RUVBL1: variants seen among roughly 807,000 people sequenced by gnomAD.
RUVBL1 encodes RuvB like AAA ATPase 1.
Under a neutral mutation model 52.4 loss-of-function variants are expected in RUVBL1, and 4 were observed. The observed-to-expected ratio is 0.08, with a 90% CI of 0.04 to 0.17. The LOEUF (loss-of-function observed/expected upper bound fraction) is 0.17. RUVBL1 is among the 10% of genes least tolerant of loss of function. RUVBL1 has a pLI of 1.00. For missense variants in RUVBL1, 298 were observed against 572.8 expected, an observed-to-expected ratio of 0.52 and a Z score of 4.90; for synonymous variants, 217 against 214.4, an observed-to-expected ratio of 1.01 and a Z score of -0.10.
chr3:128,118,871 T>C lies in RUVBL1; in HGVS notation c.228+457A>G, dbSNP rs541336598. Among the ~76,000 whole-genome samples, 4 of 152,332 alleles carry C rather than the reference T, an allele frequency of 2.6e-5. No homozygotes were observed. The South Asian group carries it at 8.3e-4, about 32-fold the overall frequency. ...CTGCCCTGGAGAGACTGTAAGCCCC[T>C]TGAAGATAAAAATCATGTCTCTAAT... On this transcript the variant is annotated intron_variant, in intron 2 of 10. Coordinates refer to ENST00000322623, the MANE Select transcript of RUVBL1 (RefSeq NM_003707.3).
At position 128,082,530 on chromosome 3, in the gene RUVBL1, C is replaced by T; in HGVS notation, c.1164G>A (p.Glu388=). ...TCTCCCCCAGGTGGTTCAGTGCCTC[C>T]TCACTGATGTTGATTCCTTCCGTCT... ...RAQTEGINIS[E]EALNHLGEIG... The change falls in exon 10 of 11, where the codon GAG becomes GAA. Residue 388 remains glutamate (E), a synonymous_variant. Coordinates refer to ENST00000322623, the MANE Select transcript of RUVBL1 (RefSeq NM_003707.3). The surrounding 1 kb of genome is among the most constrained non-coding windows in gnomAD (Gnocchi z 4.7). 6.2e-7 allele frequency: 1 copy of T among 1,613,984 alleles called. No homozygotes were observed. The highest frequency in any genetic ancestry group is 8.5e-7 in the Non-Finnish European group (1 of 1,179,934).
intron 2 of RUVBL1, among the ~76,000 whole-genome samples, chr3:128,118,315 G>A (rs552380354): frequency 6.6e-6 from 1 of 152,256 alleles, no homozygotes; most frequent in South Asian, 2.1e-4. Flanking sequence ...TCTTCCTCTT[G>A]TAAGATACCA....
chr3:128,119,646 T>C (rs562218508), intron 1 of RUVBL1, among the ~76,000 whole-genome samples: 1 of 152,304 alleles, frequency 6.6e-6, no homozygotes, highest in South Asian at 2.1e-4. Flanking sequence ...ATTGCACACA[T>C]AATCTTCATC....
At chr3:128,151,025 A>T (rs1485815928) in intron 1 of RUVBL1, among the ~76,000 whole-genome samples, 2 of 88,094 alleles carry the variant, frequency 2.3e-5, no homozygotes, top group East Asian at 2.6e-4. Context: ...TATATATATA[A>T]TATATATTCT....
intron 1 of RUVBL1, among the ~76,000 whole-genome samples, chr3:128,150,604 G>C (rs1476532808): frequency 7.9e-6 from 1 of 126,756 alleles, no homozygotes; most frequent in Non-Finnish European, 1.6e-5. Context: ...ATATTTGACA[G>C]AACTAATAGA....
intron 1 of RUVBL1, among the ~76,000 whole-genome samples, chr3:128,143,625 CCCAGATTTCAGTCCAGTGGCAA>C (rs1944063791): frequency 6.6e-6 from 1 of 152,176 alleles, no homozygotes; most frequent in South Asian, 2.1e-4. Context: ...GCCTGCATGC[CCCAGATTTCAGTCCAGTGGCAA>C]AGAGTACACT....
intron 3 of RUVBL1, among the ~76,000 whole-genome samples, chr3:128,106,315 C>T (rs1943234242): frequency 2.0e-5 from 3 of 152,200 alleles, no homozygotes; most frequent in South Asian, 4.1e-4. Context: ...AACGTTTGTT[C>T]ATTATCCAAG....
intron 2 of RUVBL1, 136 bp from the exon 3 acceptor site, chr3:128,113,156 A>G (rs781175433): frequency 2.2e-5 from 21 of 966,072 alleles, no homozygotes; most frequent in Admixed American, 3.2e-5. Flanking sequence ...CACACAATAA[A>G]TGTTTGATGA....
At chr3:128,078,004 C>T (rs1289255381), downstream of RUVBL1, among the ~76,000 whole-genome samples, 3 of 152,200 alleles carry the variant, frequency 2.0e-5, no homozygotes, top group African/African-American at 7.2e-5. Context: ...GGGGCTAGGA[C>T]CAAGGGCCAC....
rs71153121 is a variant in RUVBL1, at chr3:128,130,595, CAAA to C, written c.-39-11184_-39-11182del. ...GGGAAATAGCAAGACCCCATCTCTA[CAAA>C]AAAAAAAAAAAAAAAATTTTATTTA... On this transcript the variant is annotated intron_variant, in intron 1 of 9. Coordinates refer to the RUVBL1 transcript ENST00000464873. Among the ~76,000 whole-genome samples the C allele has an allele frequency of 1.2e-3, 121 of 104,910 alleles. 4 individuals are homozygous for C. Among genetic ancestry groups the C allele is most frequent in the African/African-American group, 3.7e-3 (106 of 28,638 alleles). 68.8% of individuals were successfully genotyped at this position (104,910 alleles called of 152,430 possible).
At chr3:128,092,239 A>C (rs149131067) in intron 8 of RUVBL1, among the ~76,000 whole-genome samples, 16 of 152,242 alleles carry the variant, frequency 1.1e-4, no homozygotes, top group African/African-American at 3.6e-4. Context: ...ATAAAAGCCG[A>C]AACTATAAAA....
chr3:128,087,101 G>A (rs1942665290), intron 9 of RUVBL1, among the ~76,000 whole-genome samples: 1 of 152,246 alleles, frequency 6.6e-6, no homozygotes, highest in African/African-American at 2.4e-5. Flanking sequence ...GGACTCTATT[G>A]CAAAGCCACA....
At chr3:128,146,399 C>T (rs1224748685) in intron 1 of RUVBL1, among the ~76,000 whole-genome samples, 3 of 148,550 alleles carry the variant, frequency 2.0e-5, no homozygotes, top group African/African-American at 5.0e-5. Flanking sequence ...AGTGTGTGTG[C>T]GTGCATCTGT....
At chr3:128,147,746 C>T (rs1269857643) in intron 1 of RUVBL1, among the ~76,000 whole-genome samples, 1 of 152,190 alleles carries the variant, frequency 6.6e-6, no homozygotes, top group Non-Finnish European at 1.5e-5. Flanking sequence ...AACAATCTCA[C>T]TTTTGGTATT....
intron 8 of RUVBL1, among the ~76,000 whole-genome samples, chr3:128,091,498 G>A (rs933020733): frequency 3.3e-5 from 5 of 152,106 alleles, no homozygotes; most frequent in Admixed American, 6.5e-5. Flanking sequence ...GTCCAAACTC[G>A]GCCATTAGTG....
At chr3:128,089,909 C>CAAAAAAAAAAAAAAAAAAAAAAAAAA (rs57182193) in intron 8 of RUVBL1, among the ~76,000 whole-genome samples, 1 of 59,314 alleles carries the variant, frequency 1.7e-5, no homozygotes, top group Non-Finnish European at 2.9e-5. Flanking sequence ...GACCCTATCT[C>CAAAAAAAAAAAAAAAAAAAAAAAAAA]AAAAAAAAAA....
upstream of RUVBL1, chr3:128,123,965 G>C: frequency 6.6e-6 from 8 of 1,209,372 alleles, no homozygotes; most frequent in Non-Finnish European, 8.3e-6. Context: ...GGCTTCCCCC[G>C]TAGCCGGCGC....
Position 128,067,180 on chromosome 3 carries a change from C to T in RUVBL1, c.940-1960G>A. ...AGTAGGCTCTTTGAAGATGAGCTAG[C>T]AATGCAGCTAAGTTGCAGTGGTTTC... On this transcript the variant is annotated intron_variant, in intron 9 of 9. Transcript: ENST00000464873. The surrounding 1 kb of genome is among the most constrained non-coding windows in gnomAD (Gnocchi z 4.1). 6.3e-7 allele frequency: 1 copy of T among 1,592,648 alleles called. No individual in the cohort carries two copies. Among genetic ancestry groups the T allele is most frequent in the South Asian group, 1.1e-5 (1 of 90,632 alleles).
intron 1 of RUVBL1, among the ~76,000 whole-genome samples, chr3:128,136,226 A>C (rs1190691631): frequency 1.3e-5 from 2 of 152,022 alleles, no homozygotes; most frequent in Admixed American, 6.5e-5. Flanking sequence ...ACAAATAATC[A>C]GAAAAAAAAA....
Sources: gnomAD v4.1 joint callset for allele counts (sites outside exome capture counted in the v4.1 genomes callset) on GRCh38, gnomAD v4.1.1 for gene constraint, Gnocchi (gnomAD v3.1) non-coding constraint, MANE v1.5 for transcripts, NCBI Gene and HGNC (gene_info 2026-07-23, HGNC 2026-07-21) for gene names.